RBP4: variants seen among roughly 807,000 people sequenced by gnomAD.
The protein encoded by RBP4 is retinol-binding protein 4.
A neutral mutation model predicts 26.2 loss-of-function variants in RBP4; 9 were observed. The ratio of observed to expected loss-of-function variants is 0.34; its 90% CI spans 0.21 to 0.60. The LOEUF (loss-of-function observed/expected upper bound fraction) is 0.60. RBP4 is among the 20% of genes least tolerant of loss of function. The probability of loss-of-function intolerance (pLI) is 0.80; values close to 1 mark genes in which losing one functional copy is unlikely to be tolerated. For synonymous variants in RBP4, 114 were observed against 111.0 expected (o/e 1.03, Z -0.17); for missense variants, 244 against 271.3 (o/e 0.90, Z 0.71).
chr10:93,599,094 C>G (rs1275757812), intron 4 of RBP4, among the ~76,000 whole-genome samples: 2 of 151,164 alleles, frequency 1.3e-5, no homozygotes, highest in South Asian at 4.2e-4. Context: ...ACAAAAAATA[C>G]AAAAATTAGC....
Position 93,601,059 on chromosome 10 carries a change from C to T in RBP4, c.-18-13G>A. 6.2e-7 allele frequency: 1 copy of T among 1,603,398 alleles called. No homozygotes were observed. Among genetic ancestry groups the T allele is most frequent in the South Asian group, 1.1e-5 (1 of 91,046 alleles). ...CCAGGAATCCGCCCTGCGGGAGACG[C>T]GCCTCCGTCAGTGCCCGGCAGCCGA... is the stretch of plus-strand genomic sequence containing the variant. On this transcript the variant is annotated splice_polypyrimidine_tract_variant and intron_variant, in intron 1 of 5. Coordinates refer to ENST00000371464, the MANE Select transcript of RBP4 (RefSeq NM_006744.4).
At chr10:93,595,911 T>C (rs927602131) in intron 4 of RBP4, among the ~76,000 whole-genome samples, 1 of 152,212 alleles carries the variant, frequency 6.6e-6, no homozygotes, top group African/African-American at 2.4e-5. Flanking sequence ...GCTGAGGAGA[T>C]GTTCCAGAAC....
intron 1 of RBP4, 30 bp downstream of exon 1, chr10:93,601,141 G>T: frequency 1.9e-6 from 2 of 1,026,446 alleles, no homozygotes; most frequent in Non-Finnish European, 1.4e-6. Context: ...CCATCCCGCC[G>T]CCGGCCCCGA....
At chr10:93,594,804 TA>T (rs2058292651) in intron 4 of RBP4, among the ~76,000 whole-genome samples, 1 of 152,058 alleles carries the variant, frequency 6.6e-6, no homozygotes, top group South Asian at 2.1e-4. Flanking sequence ...ATGAAAGTGG[TA>T]AAAATATCAA....
rs773146117 is a variant in RBP4, at chr10:93,593,920, C to T, written c.471G>A (p.Arg157=). The change falls in exon 5 of 6, where the codon CGG becomes CGA. Residue 157 remains arginine (R), a synonymous_variant. Transcript: ENST00000371464. ...CTTCTGGGGGCAGGCCGTTGGGGTC[C>T]CGGGAAAACACGAAGGAGTAGCTGT... ...CADSYSFVFS[R]DPNGLPPEAQ... is the part of the protein sequence containing the mutation. The T allele has an allele frequency of 1.9e-5, 31 of 1,614,024 alleles. No individual in the cohort carries two copies. The South Asian group carries it at 3.2e-4, about 17-fold the overall frequency.
At chr10:93,596,214 T>TTTTTC (rs1409639919) in intron 4 of RBP4, among the ~76,000 whole-genome samples, 1 of 152,030 alleles carries the variant, frequency 6.6e-6, no homozygotes, top group Non-Finnish European at 1.5e-5. Flanking sequence ...TTTTTTTTTT[T>TTTTTC]TTTTCCTCCA....
chr10:93,601,548 C>G, upstream of RBP4: 1 of 662,848 alleles, frequency 1.5e-6, no homozygotes, highest in African/African-American at 1.8e-5. Context: ...GGGCCAGTGG[C>G]TCTGGCAGGA....
chr10:93,594,846 G>C (rs1299485789), intron 4 of RBP4, among the ~76,000 whole-genome samples: 2 of 152,178 alleles, frequency 1.3e-5, no homozygotes, highest in Non-Finnish European at 2.9e-5. Context: ...ATGTTAATTA[G>C]AGTATATGTG....
At chr10:93,598,135 C>A (rs1300633589) in intron 4 of RBP4, among the ~76,000 whole-genome samples, 1 of 152,214 alleles carries the variant, frequency 6.6e-6, no homozygotes, top group African/African-American at 2.4e-5. Flanking sequence ...ACTTCTAAAA[C>A]AAGAGACTTG....
At chr10:93,592,812 G>GATTATT (rs1207875890) in intron 5 of RBP4, among the ~76,000 whole-genome samples, 4 of 151,278 alleles carry the variant, frequency 2.6e-5, no homozygotes, top group Admixed American at 6.6e-5. Context: ...CATTTTGTTT[G>GATTATT]ATTATTATTA....
At chr10:93,599,357 T>C (rs912161937) in intron 4 of RBP4, among the ~76,000 whole-genome samples, 1 of 152,202 alleles carries the variant, frequency 6.6e-6, no homozygotes, top group African/African-American at 2.4e-5. Flanking sequence ...GTGCCATATA[T>C]GGAGAGCAAA....
chr10:93,601,179 G>A lies in RBP4; in HGVS notation c.-27C>T. ...CCCCGGCCGCGACTCACCACCGGGA[G>A]GGGAACCGCGCGCAAGCCTGGCCGC... On this transcript the variant is annotated 5_prime_UTR_variant, in exon 1 of 6. Coordinates refer to ENST00000371464, the MANE Select transcript of RBP4 (RefSeq NM_006744.4). 2 of 1,396,094 alleles carry A rather than the reference G, an allele frequency of 1.4e-6. No homozygotes were observed. The highest frequency in any genetic ancestry group is 1.8e-6 in the Non-Finnish European group (2 of 1,086,546). The allele number at this position is 1,396,094 out of a possible 1,614,324, so 86.5% of individuals were successfully genotyped here. A position where few individuals can be genotyped will look rare whatever the true frequency, so the allele number is the denominator to read the frequency against.
At chr10:93,598,969 C>T (rs1454045913) in intron 4 of RBP4, among the ~76,000 whole-genome samples, 1 of 152,170 alleles carries the variant, frequency 6.6e-6, no homozygotes, top group Non-Finnish European at 1.5e-5. Flanking sequence ...TTTTTCTCTA[C>T]CAGGTATGGT....
intron 4 of RBP4, among the ~76,000 whole-genome samples, chr10:93,597,758 G>A (rs868517158): frequency 1.3e-4 from 20 of 152,116 alleles, no homozygotes; most frequent in South Asian, 6.2e-4. Context: ...CTCCATAAGC[G>A]CACCTCATTT....
At chr10:93,592,328 A>G (rs1452748506) in intron 5 of RBP4, among the ~76,000 whole-genome samples, 1 of 152,210 alleles carries the variant, frequency 6.6e-6, no homozygotes, top group Non-Finnish European at 1.5e-5. Context: ...TCTGGACGTA[A>G]TGGGGGTGGA....
chr10:93,600,870 G>A, intron 2 of RBP4, 48 bp downstream of exon 2: 2 of 650,342 alleles, frequency 3.1e-6, no homozygotes, highest in Non-Finnish European at 5.4e-6. Context: ...GGAGGGCGGG[G>A]ATGGGGTGGG....
At chr10:93,595,871 C>T (rs2058299491) in intron 4 of RBP4, among the ~76,000 whole-genome samples, 11 of 152,328 alleles carry the variant, frequency 7.2e-5, no homozygotes, top group Middle Eastern at 3.4e-3. Flanking sequence ...TGCCTTGAGG[C>T]TGTTCCAGGG....
chr10:93,592,274 T>C (rs1020478717), intron 5 of RBP4, among the ~76,000 whole-genome samples, 162 bp from the exon 6 acceptor site: 1 of 152,240 alleles, frequency 6.6e-6, no homozygotes, highest in African/African-American at 2.4e-5. Context: ...TGGCTGTAAT[T>C]CATAAACACC....
chr10:93,600,786 G>A lies in RBP4; in HGVS notation c.129C>T (p.Tyr43=), dbSNP rs1589687052. 2.5e-6 allele frequency: 4 copies of A among 1,609,908 alleles called. No individual in the cohort carries two copies. Among genetic ancestry groups the A allele is most frequent in the East Asian group, 2.2e-5 (1 of 44,614 alleles). ...CCTCGGGGTCCTTCTTGGCCATGGCGTACCAGGTCCCAGAGAACTGTGAGA... is the reference window on the plus strand; with the variant it reads ...CCTCGGGGTCCTTCTTGGCCATGGCATACCAGGTCCCAGAGAACTGTGAGA... ...FDKARFSGTW[Y]AMAKKDPEGL... is the part of the protein sequence containing the mutation. Residue 43 remains tyrosine, a synonymous_variant, in exon 3 of 6, where the codon TAC becomes TAT. Transcript: ENST00000371464.
Sources: gnomAD v4.1 joint callset for allele counts (sites outside exome capture counted in the v4.1 genomes callset) on GRCh38, gnomAD v4.1.1 for gene constraint, MANE v1.5 for transcripts, NCBI Gene and HGNC (gene_info 2026-07-23, HGNC 2026-07-21) for gene names.